The following CTIF variants were observed in gnomAD, a reference collection of about 807,000 sequenced individuals.
CTIF encodes cap binding complex dependent translation initiation factor.
Under a neutral mutation model 66.0 loss-of-function variants are expected in CTIF, and 21 were observed. That is an observed-to-expected ratio of 0.32 (90% CI 0.23 to 0.46). The LOEUF (loss-of-function observed/expected upper bound fraction) is 0.46. Ranked by LOEUF, CTIF falls within the 20% of genes least tolerant of loss-of-function variation. The probability of loss-of-function intolerance (pLI) is 1.00; values close to 1 mark genes in which losing one functional copy is unlikely to be tolerated. For missense variants in CTIF, 739 were observed against 812.7 expected, an observed-to-expected ratio of 0.91 and a Z score of 1.10; for synonymous variants, 345 against 326.4, an observed-to-expected ratio of 1.06 and a Z score of -0.62.
intron 1 of CTIF, among the ~76,000 whole-genome samples, chr18:48,602,477 C>CT (rs1297185126): frequency 6.6e-6 from 1 of 152,084 alleles, no homozygotes; most frequent in Non-Finnish European, 1.5e-5. Context: ...TATGGCATAG[C>CT]TTAATTGACA....
intron 1 of CTIF, among the ~76,000 whole-genome samples, chr18:48,592,082 G>C (rs772565240): frequency 1.3e-5 from 2 of 152,040 alleles, no homozygotes; most frequent in Non-Finnish European, 2.9e-5. Context: ...GAAACACCCC[G>C]GTATTATCTG....
intron 1 of CTIF, among the ~76,000 whole-genome samples, chr18:48,579,256 C>T (rs912273614): frequency 2.0e-5 from 3 of 152,154 alleles, no homozygotes; most frequent in East Asian, 1.9e-4. Context: ...AAGTGATTCT[C>T]CTGCCTGAGC....
At chr18:48,722,179 G>A (rs1389641020) in intron 7 of CTIF, among the ~76,000 whole-genome samples, 2 of 149,670 alleles carry the variant, frequency 1.3e-5, no homozygotes, top group African/African-American at 2.5e-5. Flanking sequence ...GTCATACTAG[G>A]CTAAGCCTCA....
At chr18:48,806,974 A>G (rs921508753) in intron 9 of CTIF, among the ~76,000 whole-genome samples, 1 of 152,222 alleles carries the variant, frequency 6.6e-6, no homozygotes, top group Non-Finnish European at 1.5e-5. Context: ...ATGAGAACCT[A>G]GAGCCAAATA....
chr18:48,794,451 A>G (rs1462520093), intron 9 of CTIF, among the ~76,000 whole-genome samples: 4 of 152,246 alleles, frequency 2.6e-5, no homozygotes, highest in African/African-American at 9.6e-5. Context: ...TGGCCTCCCC[A>G]GGGTGGGCGA....
chr18:48,596,085 G>A (rs2144056692), intron 1 of CTIF, among the ~76,000 whole-genome samples: 1 of 152,346 alleles, frequency 6.6e-6, no homozygotes, highest in South Asian at 2.1e-4. Flanking sequence ...TCAGCCTACA[G>A]TCAAGGGAGG....
chr18:48,771,432 G>A (rs1188422360), intron 9 of CTIF, among the ~76,000 whole-genome samples: 1 of 152,174 alleles, frequency 6.6e-6, no homozygotes, highest in East Asian at 1.9e-4. Context: ...GCCACAAAAG[G>A]GAATGGCCTG....
Position 48,625,817 on chromosome 18 carries a change from A to G in CTIF, c.180+6072A>G, listed in dbSNP as rs2090582755. On this transcript the variant is annotated intron_variant, in intron 2 of 11. Coordinates refer to ENST00000256413, the MANE Select transcript of CTIF (RefSeq NM_014772.3). ...GGAAATACGTGATACTTCAACACAT[A>G]CTGTTGAACATGCCTCCTTCTGCAC... Among the ~76,000 whole-genome samples the G allele has an allele frequency of 2.0e-5, 3 of 152,160 alleles. No individual in the cohort carries two copies. In the South Asian group the frequency reaches 6.2e-4, roughly 31 times the overall value.
intron 9 of CTIF, among the ~76,000 whole-genome samples, chr18:48,806,940 G>A (rs1316067253): frequency 3.3e-5 from 5 of 152,208 alleles, no homozygotes; most frequent in African/African-American, 7.2e-5. Flanking sequence ...ACTAGGGGTT[G>A]CTGGGAGGTA....
At chr18:48,689,348 G>C (rs765151509) in intron 6 of CTIF, among the ~76,000 whole-genome samples, 1 of 152,172 alleles carries the variant, frequency 6.6e-6, no homozygotes, top group African/African-American at 2.4e-5. Flanking sequence ...CAGAGTGGCC[G>C]AGTCACCTCC....
chr18:48,699,234 A>T (rs1484598153), intron 6 of CTIF, among the ~76,000 whole-genome samples: 1 of 152,102 alleles, frequency 6.6e-6, no homozygotes, highest in African/African-American at 2.4e-5. Flanking sequence ...CCTTTGAGTA[A>T]CATTCTGCCC....
intron 1 of CTIF, among the ~76,000 whole-genome samples, chr18:48,613,609 A>G (rs1407588099): frequency 6.6e-6 from 1 of 152,210 alleles, no homozygotes; most frequent in Admixed American, 6.5e-5. Flanking sequence ...TGTGACAAGC[A>G]CGGACTGTGA....
chr18:48,677,323 G>A (rs543000443), intron 6 of CTIF, among the ~76,000 whole-genome samples: 5 of 152,288 alleles, frequency 3.3e-5, no homozygotes, highest in Admixed American at 2.0e-4. Flanking sequence ...CCAACATTAC[G>A]GATCAGGCAT....
At chr18:48,672,298 G>C (rs1226129049) in intron 6 of CTIF, among the ~76,000 whole-genome samples, 2 of 152,056 alleles carry the variant, frequency 1.3e-5, no homozygotes, top group African/African-American at 2.4e-5. Flanking sequence ...CTTGGGTCCT[G>C]AGGGTCAGCT....
chr18:48,746,021 G>A (rs767186396), intron 7 of CTIF, among the ~76,000 whole-genome samples: 3 of 152,246 alleles, frequency 2.0e-5, no homozygotes, highest in Non-Finnish European at 4.4e-5. Flanking sequence ...AGTCATGAGT[G>A]GAGGAGGCAG....
chr18:48,599,255 G>A (rs549294740), intron 1 of CTIF, among the ~76,000 whole-genome samples: 1 of 152,194 alleles, frequency 6.6e-6, no homozygotes, highest in Admixed American at 6.5e-5. Flanking sequence ...GGATCTGAAA[G>A]GACACAGACT....
intron 7 of CTIF, among the ~76,000 whole-genome samples, chr18:48,739,474 A>T (rs1350385491): frequency 6.6e-6 from 1 of 152,194 alleles, no homozygotes; most frequent in Non-Finnish European, 1.5e-5. Flanking sequence ...GCGCCACAGT[A>T]CAAACCCTGC....
intron 1 of CTIF, among the ~76,000 whole-genome samples, chr18:48,599,573 C>A (rs2090052646): frequency 6.6e-6 from 1 of 152,174 alleles, no homozygotes; most frequent in South Asian, 2.1e-4. Context: ...GTTATTACAG[C>A]CCTTCGTAAA....
intron 10 of CTIF, among the ~76,000 whole-genome samples, chr18:48,825,388 A>G (rs1366437680): frequency 4.6e-5 from 7 of 152,178 alleles, no homozygotes; most frequent in Non-Finnish European, 2.9e-5. Flanking sequence ...CAGGCCAGGG[A>G]GGAGAACACA....
Sources: gnomAD v4.1 joint callset for allele counts (sites outside exome capture counted in the v4.1 genomes callset) on GRCh38, gnomAD v4.1.1 for gene constraint, MANE v1.5 for transcripts, NCBI Gene and HGNC (gene_info 2026-07-23, HGNC 2026-07-21) for gene names.